Variants in ATP2C1 observed in about 807,000 individuals in gnomAD.
The protein encoded by ATP2C1 is ATPase secretory pathway Ca2+ transporting 1, also known as calcium-transporting ATPase type 2C member 1.
In ATP2C1, 31 loss-of-function variants were observed where a neutral mutation model predicts 120.5. The ratio of observed to expected loss-of-function variants is 0.26; its 90% confidence interval spans 0.19 to 0.35. The LOEUF is 0.35. Ranked by LOEUF, ATP2C1 falls within the 10% of genes least tolerant of loss-of-function variation. The probability of loss-of-function intolerance (pLI) is 1.00; values close to 1 mark genes in which losing one functional copy is unlikely to be tolerated. For missense variants in ATP2C1, 731 were observed against 1,107.5 expected, an observed-to-expected ratio of 0.66 and a Z score of 4.83; for synonymous variants, 351 against 358.7, an observed-to-expected ratio of 0.98 and a Z score of 0.24.
chr3:130,959,027 CTG>C (rs139972639), intron 11 of ATP2C1, among the ~76,000 whole-genome samples: 2 of 151,278 alleles, frequency 1.3e-5, no homozygotes, highest in East Asian at 1.9e-4. Context: ...AAAAGTAAAA[CTG>C]TGTGTGTGTG....
intron 26 of ATP2C1, chr3:131,014,416 T>A (rs1303500544): frequency 6.5e-7 from 1 of 1,535,770 alleles, no homozygotes; most frequent in South Asian, 1.3e-5. Flanking sequence ...AAGTATGTTG[T>A]TAAAGAAGTA....
chr3:130,885,915 G>A (rs1013252364), intron 1 of ATP2C1, among the ~76,000 whole-genome samples: 1 of 152,126 alleles, frequency 6.6e-6, no homozygotes, highest in African/African-American at 2.4e-5. Flanking sequence ...AGATAAACAC[G>A]TCATGAGGGT....
At chr3:130,866,097 A>T (rs534406179) in intron 1 of ATP2C1, among the ~76,000 whole-genome samples, 1 of 152,324 alleles carries the variant, frequency 6.6e-6, no homozygotes, top group Non-Finnish European at 1.5e-5. Context: ...AGTGCTTACA[A>T]TTCTGTTCTG....
At chr3:130,893,891 C>CA, upstream of ATP2C1, 1 of 980,992 alleles carries the variant, frequency 1.0e-6, no homozygotes, top group Non-Finnish European at 1.2e-6. Context: ...AAACATTGTC[C>CA]ATTCCGGGCC....
At chr3:130,943,339 C>T in intron 8 of ATP2C1, among the ~76,000 whole-genome samples, 1 of 152,076 alleles carries the variant, frequency 6.6e-6, no homozygotes, top group Non-Finnish European at 1.5e-5. Flanking sequence ...CCTCAGGCTC[C>T]CAATAGCTGA....
chr3:130,906,372 T>G (rs368897721), intron 2 of ATP2C1, among the ~76,000 whole-genome samples: 1 of 152,098 alleles, frequency 6.6e-6, no homozygotes, highest in East Asian at 1.9e-4. Context: ...GTGTTAGTAC[T>G]TCATTTCTTT....
chr3:130,961,943 C>A (rs567239581), intron 12 of ATP2C1, among the ~76,000 whole-genome samples: 1 of 152,036 alleles, frequency 6.6e-6, no homozygotes, highest in South Asian at 2.1e-4. Flanking sequence ...TCTCAAACAC[C>A]TTAATTTTGA....
At position 130,967,247 on chromosome 3, in the gene ATP2C1, ATTT is replaced by A. The variant is rs200231817; in HGVS notation, c.1218+14_1218+16del. The A allele has an allele frequency of 6.2e-6, 10 of 1,606,964 alleles. No homozygotes were observed. The Admixed American group carries it at 1.7e-4, about 27-fold the overall frequency. ...TGTTAGCAGAATTGTTGAGGTAAAT[ATTT>A]TTTTTTCCAAGATGGTGACTTTCTT... On this transcript the variant is annotated splice_region_variant and intron_variant, in intron 15 of 27. Coordinates refer to ENST00000510168, the MANE Select transcript of ATP2C1 (RefSeq NM_001378687.1).
chr3:130,907,709 C>T (rs2058199872), intron 2 of ATP2C1, among the ~76,000 whole-genome samples: 1 of 149,864 alleles, frequency 6.7e-6, no homozygotes, highest in Admixed American at 6.7e-5. Context: ...AAGTGTGAGA[C>T]CTTTAACAGT....
intron 8 of ATP2C1, 128 bp from the exon 9 acceptor site, chr3:130,953,693 G>T: frequency 1.0e-6 from 1 of 971,394 alleles, no homozygotes; most frequent in South Asian, 1.3e-5. Flanking sequence ...TAGAGTGATG[G>T]TTTTGATACA....
intron 9 of ATP2C1, 30 bp from the exon 10 acceptor site, chr3:130,954,982 G>A (rs1195233225): frequency 6.6e-7 from 1 of 1,517,256 alleles, no homozygotes; most frequent in East Asian, 2.3e-5. Context: ...TCATCTGGAT[G>A]TAAATGTATT....
At chr3:130,928,496 G>A (rs1002385367) in intron 2 of ATP2C1, among the ~76,000 whole-genome samples, 6 of 152,098 alleles carry the variant, frequency 3.9e-5, no homozygotes, top group Admixed American at 6.5e-5. Flanking sequence ...TATGAGTAAG[G>A]CTGTCATATT....
chr3:130,934,421 A>C (rs551827258), intron 4 of ATP2C1, among the ~76,000 whole-genome samples: 36 of 151,954 alleles, frequency 2.4e-4, no homozygotes, highest in Admixed American at 1.2e-3. Flanking sequence ...TTTTTTTCTG[A>C]AAAGGAACTG....
chr3:131,012,559 C>T (rs1270085964), intron 26 of ATP2C1, among the ~76,000 whole-genome samples: 3 of 151,962 alleles, frequency 2.0e-5, no homozygotes, highest in Admixed American at 6.6e-5. Flanking sequence ...CATCCAGCAC[C>T]GGTCTCACAT....
At chr3:130,995,750 C>G (rs982685249) in intron 22 of ATP2C1, among the ~76,000 whole-genome samples, 5 of 152,324 alleles carry the variant, frequency 3.3e-5, no homozygotes, top group Admixed American at 2.0e-4. Flanking sequence ...AAGCGATTCT[C>G]CTGCCTCAGC....
chr3:130,894,104 A>G lies in ATP2C1; in HGVS notation c.-414A>G. ...GGAGCAGACCAGCACGGCCTCGCGG[A>G]GCCGGCCCGGCGGACCGTGACGGGT... On this transcript the variant is annotated 5_prime_UTR_variant, in exon 1 of 28. Transcript: ENST00000510168. The surrounding 1 kb of genome is among the most constrained non-coding windows in gnomAD (Gnocchi z 4.5). 1 of 973,906 alleles carries G rather than the reference A, an allele frequency of 1.0e-6. No individual in the cohort carries two copies. The highest frequency in any genetic ancestry group is 1.8e-5 in the African/African-American group (1 of 57,010). 60.3% of individuals were successfully genotyped at this position (973,906 alleles called of 1,614,324 possible).
intron 1 of ATP2C1, among the ~76,000 whole-genome samples, chr3:130,879,773 T>C (rs547713686): frequency 2.4e-4 from 36 of 152,350 alleles, no homozygotes; most frequent in African/African-American, 8.4e-4. Context: ...GTGGGTGCGA[T>C]AGTACAGTCT....
chr3:130,923,326 A>T (rs1158209567), intron 2 of ATP2C1, among the ~76,000 whole-genome samples: 1 of 151,844 alleles, frequency 6.6e-6, no homozygotes, highest in Non-Finnish European at 1.5e-5. Context: ...TCCCAGGTTC[A>T]AGCAATTCTC....
At chr3:130,918,356 C>T (rs773887327) in intron 2 of ATP2C1, 4 of 1,548,030 alleles carry the variant, frequency 2.6e-6, no homozygotes, top group Non-Finnish European at 3.6e-6. Flanking sequence ...TCTTCCCACA[C>T]TTTGCACATC....
Sources: gnomAD v4.1 joint callset for allele counts (sites outside exome capture counted in the v4.1 genomes callset) on GRCh38, gnomAD v4.1.1 for gene constraint, Gnocchi (gnomAD v3.1) non-coding constraint, MANE v1.5 for transcripts, NCBI Gene and HGNC (gene_info 2026-07-23, HGNC 2026-07-21) for gene names.